The following PPM1D variants were observed in gnomAD, a reference collection of about 807,000 sequenced individuals.
The protein encoded by PPM1D is protein phosphatase, Mg2+/Mn2+ dependent 1D, also known as protein phosphatase 1D.
A neutral mutation model predicts 58.3 loss-of-function variants in PPM1D; 52 were observed. The observed-to-expected ratio is 0.89, with a 90% confidence interval of 0.71 to 1.12. PPM1D has a LOEUF of 1.12. Among genes scored for constraint, PPM1D ranks in the 50% most tolerant of loss-of-function variants. PPM1D has a pLI of 0.00. For missense variants in PPM1D, 564 were observed against 777.2 expected (o/e 0.73, Z 3.26); for synonymous variants, 278 against 285.1 (o/e 0.98, Z 0.25).
rs1257166881 is a variant in PPM1D at position 60,651,054 on chromosome 17, A to T, written c.1017+2972A>T. The stretch of plus-strand genomic sequence containing the variant: ...TGTGGCAATATATGCACTTAGAGAG[A>T]CTCTGTGGTTTAAGAGCACACAATA... On this transcript the variant is annotated intron_variant, in intron 4 of 5. Coordinates refer to ENST00000305921, the MANE Select transcript of PPM1D (RefSeq NM_003620.4). 3.3e-5 allele frequency among the ~76,000 whole-genome samples: 5 copies of T among 152,134 alleles called. No homozygotes were observed. The East Asian group carries it at 9.6e-4, about 29-fold the overall frequency.
intron 4 of PPM1D, among the ~76,000 whole-genome samples, chr17:60,650,664 G>A: frequency 6.6e-6 from 1 of 152,348 alleles, no homozygotes; most frequent in African/African-American, 2.4e-5. Context: ...TCTAACTCTG[G>A]TGACTAGTAA....
rs1402052236 is a variant in PPM1D, at chr17:60,600,770, A to G, written c.356A>G (p.His119Arg). The part of the protein sequence containing the change: ...GREAAQFARE[H>R]LWGFIKKQKG... ...GAGGCGGCACAGTTTGCCCGGGAGCACTTGTGGGGTTTCATCAAGAAGCAG... is the reference window on the plus strand; with the variant it reads ...GAGGCGGCACAGTTTGCCCGGGAGCGCTTGTGGGGTTTCATCAAGAAGCAG... Residue 119 changes from histidine (H) to arginine (R), a missense_variant, in exon 1 of 6, where the codon CAC becomes CGC. Physicochemically the swap from His to Arg is conservative, Grantham distance 29. This residue lies in a region of PPM1D where 23 missense variants were observed against 28.9 expected (regional missense o/e 0.80). Coordinates refer to ENST00000305921, the MANE Select transcript of PPM1D (RefSeq NM_003620.4). 3.7e-6 allele frequency: 6 copies of G among 1,612,294 alleles called. No individual in the cohort carries two copies. Among genetic ancestry groups the G allele is most frequent in the Non-Finnish European group, 5.1e-6 (6 of 1,179,818 alleles).
At chr17:60,634,632 A>G (rs2030989413) in intron 3 of PPM1D, among the ~76,000 whole-genome samples, 1 of 152,174 alleles carries the variant, frequency 6.6e-6, no homozygotes, top group Middle Eastern at 3.2e-3. Flanking sequence ...TTAGGAAAGT[A>G]AAATAACTAT....
At chr17:60,622,240 T>C (rs2030722539) in intron 1 of PPM1D, among the ~76,000 whole-genome samples, 1 of 152,156 alleles carries the variant, frequency 6.6e-6, no homozygotes, top group Non-Finnish European at 1.5e-5. Flanking sequence ...CTGATTTTTC[T>C]TTTTGCTTAT....
chr17:60,616,788 C>G (rs2030594260), intron 1 of PPM1D, among the ~76,000 whole-genome samples: 1 of 152,132 alleles, frequency 6.6e-6, no homozygotes, highest in Non-Finnish European at 1.5e-5. Flanking sequence ...CAAAATATCT[C>G]TTTGTTCATG....
chr17:60,659,023 G>A (rs2031486769), intron 5 of PPM1D, among the ~76,000 whole-genome samples: 1 of 152,142 alleles, frequency 6.6e-6, no homozygotes, highest in South Asian at 2.1e-4. Context: ...AAGATAAGAA[G>A]ACGTATGTTT....
intron 1 of PPM1D, among the ~76,000 whole-genome samples, chr17:60,602,077 A>G (rs1323645663): frequency 6.6e-6 from 1 of 152,190 alleles, no homozygotes; most frequent in Non-Finnish European, 1.5e-5. Context: ...TCTGTTTTCC[A>G]TTTGCTTGGC....
intron 1 of PPM1D, among the ~76,000 whole-genome samples, chr17:60,612,199 A>G (rs1423596739): frequency 6.6e-6 from 1 of 152,150 alleles, no homozygotes; most frequent in Non-Finnish European, 1.5e-5. Context: ...CCTTGTGACC[A>G]TTTGCAATTA....
intron 2 of PPM1D, among the ~76,000 whole-genome samples, chr17:60,631,293 C>T (rs2030915169): frequency 6.6e-6 from 1 of 151,660 alleles, no homozygotes; most frequent in Non-Finnish European, 1.5e-5. Flanking sequence ...GCACTGCAGC[C>T]TGGGCAACAG....
chr17:60,627,297 G>T (rs2030829264), intron 2 of PPM1D, among the ~76,000 whole-genome samples: 2 of 152,150 alleles, frequency 1.3e-5, no homozygotes, highest in Non-Finnish European at 2.9e-5. Flanking sequence ...TCACTCTGTT[G>T]CCCAGGCTGC....
intron 3 of PPM1D, among the ~76,000 whole-genome samples, chr17:60,640,263 G>A (rs906549093): frequency 6.6e-6 from 1 of 152,166 alleles, no homozygotes; most frequent in East Asian, 1.9e-4. Flanking sequence ...CCAAGATTAT[G>A]TCACTGTACT....
chr17:60,602,779 G>GAAA (rs34932283), intron 1 of PPM1D, among the ~76,000 whole-genome samples: 1 of 95,736 alleles, frequency 1.0e-5, no homozygotes, highest in African/African-American at 3.8e-5. Flanking sequence ...CTCAAAGCTT[G>GAAA]AAAAAAAAAA....
intron 3 of PPM1D, among the ~76,000 whole-genome samples, chr17:60,644,901 CTG>C (rs1491512811): frequency 2.0e-5 from 3 of 152,146 alleles, no homozygotes; most frequent in Non-Finnish European, 4.4e-5. Context: ...TTGTAACAAA[CTG>C]TGTTTAAGAT....
At position 60,663,607 on chromosome 17, in the gene PPM1D, A is replaced by C. The variant is rs547027468; in HGVS notation, c.*55A>C. ...ACTTAGGATATAAGAGGGCTTTTTAAATTTGGTGCCGATGTTGAACTTTTT... is the reference window on the plus strand; with the variant it reads ...ACTTAGGATATAAGAGGGCTTTTTACATTTGGTGCCGATGTTGAACTTTTT... On this transcript the variant is annotated 3_prime_UTR_variant, in exon 6 of 6. Transcript: ENST00000305921. The C allele has an allele frequency of 6.5e-7, 1 of 1,531,650 alleles. No individual in the cohort carries two copies. The highest frequency in any genetic ancestry group is 2.3e-5 in the East Asian group (1 of 44,196). The allele number at this position is 1,531,650 out of a possible 1,614,324, so 94.9% of individuals were successfully genotyped here. A position where few individuals can be genotyped will look rare whatever the true frequency, so the allele number is the denominator to read the frequency against.
chr17:60,642,993 A>G lies in PPM1D; in HGVS notation c.827-4899A>G, dbSNP rs188291923. Among the ~76,000 whole-genome samples the G allele has an allele frequency of 3.8e-3, 567 of 150,422 alleles. 1 individual carries two copies. Among genetic ancestry groups the G allele is most frequent in the African/African-American group, 0.013 (535 of 40,898 alleles). On this transcript the variant is annotated intron_variant, in intron 3 of 5. Coordinates refer to ENST00000305921, the MANE Select transcript of PPM1D (RefSeq NM_003620.4). ...TGAGGCAGGAGAATGGCGTGAACCC[A>G]GGAGGCGAGATCACGCCACTGCACT... is the stretch of plus-strand genomic sequence containing the variant.
intron 4 of PPM1D, among the ~76,000 whole-genome samples, chr17:60,648,839 C>G (rs1416284607): frequency 1.3e-5 from 2 of 150,954 alleles, no homozygotes; most frequent in African/African-American, 4.9e-5. Flanking sequence ...TCTCAGCTCA[C>G]TCTAACCTCT....
chr17:60,624,069 G>A (rs1427019327), intron 2 of PPM1D, among the ~76,000 whole-genome samples: 1 of 152,156 alleles, frequency 6.6e-6, no homozygotes, highest in African/African-American at 2.4e-5. Flanking sequence ...TTCCAGAGTA[G>A]AACACTTTGA....
chr17:60,631,307 G>A lies in PPM1D; in HGVS notation c.702-2546G>A, dbSNP rs543854814. Among the ~76,000 whole-genome samples, 159 of 150,852 alleles carry A rather than the reference G, an allele frequency of 1.1e-3. 2 individuals carry two copies. The highest frequency in any genetic ancestry group is 1.3e-3 in the Non-Finnish European group (85 of 67,722). On this transcript the variant is annotated intron_variant, in intron 2 of 5. Transcript: ENST00000305921. ...TGCACTGCAGCCTGGGCAACAGAAC[G>A]ACACCCTGTCTCAAAACCAAATGAA...
At chr17:60,659,507 T>G (rs971082676) in intron 5 of PPM1D, among the ~76,000 whole-genome samples, 1 of 152,232 alleles carries the variant, frequency 6.6e-6, no homozygotes, top group Admixed American at 6.5e-5. Flanking sequence ...AAACTAAATT[T>G]AGCTATGTTT....
Sources: allele counts gnomAD v4.1 joint callset (sites outside exome capture counted in the v4.1 genomes callset), GRCh38; gene constraint gnomAD v4.1.1; regional missense constraint gnomAD v4.1.1; transcripts MANE v1.5; gene names NCBI Gene and HGNC (gene_info 2026-07-23, HGNC 2026-07-21).